ANKFN1: variants seen among roughly 807,000 people sequenced by gnomAD.
ANKFN1 encodes ankyrin repeat and fibronectin type-III domain-containing protein 1.
ANKFN1 carries 74 observed loss-of-function variants against 108.7 expected under a neutral mutation model. That is an observed-to-expected ratio of 0.68 (90% CI 0.56 to 0.83). The LOEUF (loss-of-function observed/expected upper bound fraction) is 0.83, where lower values mean the gene tolerates loss of function less well. Ranked by LOEUF, ANKFN1 falls within the 40% of genes least tolerant of loss-of-function variation. ANKFN1 has a pLI of 0.00. For synonymous variants in ANKFN1, 547 were observed against 516.2 expected, an observed-to-expected ratio of 1.06 and a Z score of -0.81; for missense variants, 1,505 against 1,382.3, an observed-to-expected ratio of 1.09 and a Z score of -1.41.
intron 1 of ANKFN1, among the ~76,000 whole-genome samples, chr17:56,186,721 G>A (rs966060767): frequency 7.9e-5 from 12 of 152,184 alleles, no homozygotes; most frequent in Admixed American, 2.6e-4. Flanking sequence ...GACTAGCTGC[G>A]TGTTGCTTAG....
chr17:56,292,187 G>A (rs893861030), intron 3 of ANKFN1, among the ~76,000 whole-genome samples: 1 of 152,184 alleles, frequency 6.6e-6, no homozygotes, highest in Non-Finnish European at 1.5e-5. Context: ...AGAGGCAGAG[G>A]CTGAGTCAGA....
chr17:56,389,037 A>G (rs2053446104), intron 8 of ANKFN1, among the ~76,000 whole-genome samples: 1 of 152,110 alleles, frequency 6.6e-6, no homozygotes, highest in South Asian at 2.1e-4. Context: ...TAAACATGCA[A>G]CTACCATACA....
intron 4 of ANKFN1, among the ~76,000 whole-genome samples, chr17:56,334,985 C>T (rs940661740): frequency 6.6e-6 from 1 of 152,122 alleles, no homozygotes; most frequent in Admixed American, 6.6e-5. Context: ...AATAGGGAAT[C>T]GTTTCCCCAT....
At chr17:56,396,964 C>A (rs1440512819) in intron 8 of ANKFN1, among the ~76,000 whole-genome samples, 1 of 151,962 alleles carries the variant, frequency 6.6e-6, no homozygotes, top group African/African-American at 2.4e-5. Context: ...TTGCAGAAAG[C>A]TAAATGTAGT....
chr17:56,315,599 G>A (rs913518166), intron 3 of ANKFN1, among the ~76,000 whole-genome samples: 2 of 152,198 alleles, frequency 1.3e-5, no homozygotes, highest in African/African-American at 4.8e-5. Context: ...CGCCTTTGCT[G>A]TGCTGCAAGG....
intron 2 of ANKFN1, among the ~76,000 whole-genome samples, chr17:56,216,974 G>A (rs1403291882): frequency 6.6e-6 from 1 of 152,204 alleles, no homozygotes; most frequent in Non-Finnish European, 1.5e-5. Context: ...AAAAGAAAGA[G>A]AAGATGACAA....
At chr17:56,153,561 A>C in intron 1 of ANKFN1, 31 bp downstream of exon 1, 1 of 1,613,206 alleles carries the variant, frequency 6.2e-7, no homozygotes, top group South Asian at 1.1e-5. Context: ...AATATCGGTA[A>C]TTGGTGTTTG....
At chr17:56,336,157 G>T (rs938937238) in intron 4 of ANKFN1, among the ~76,000 whole-genome samples, 4 of 152,198 alleles carry the variant, frequency 2.6e-5, no homozygotes, top group African/African-American at 9.7e-5. Context: ...GTTCATCAGG[G>T]ATATTGGTCT....
At chr17:56,363,127 G>C (rs1056892460) in intron 6 of ANKFN1, among the ~76,000 whole-genome samples, 1 of 152,100 alleles carries the variant, frequency 6.6e-6, no homozygotes, top group Non-Finnish European at 1.5e-5. Context: ...GGGAGGCTGA[G>C]GCAGGAGAAT....
chr17:56,222,943 A>G (rs1475447112), intron 2 of ANKFN1, among the ~76,000 whole-genome samples: 1 of 152,216 alleles, frequency 6.6e-6, no homozygotes, highest in Admixed American at 6.5e-5. Context: ...GTAATTGCAA[A>G]AAATTACTAA....
At chr17:56,160,387 G>C (rs181526304) in intron 1 of ANKFN1, among the ~76,000 whole-genome samples, 1 of 152,094 alleles carries the variant, frequency 6.6e-6, no homozygotes, top group African/African-American at 2.4e-5. Flanking sequence ...TTTCCTTATG[G>C]CTAACTTTCT....
At chr17:56,466,260 A>G in intron 14 of ANKFN1, 96 bp from the exon 15 acceptor site, 1 of 1,145,102 alleles carries the variant, frequency 8.7e-7, no homozygotes, top group South Asian at 1.4e-5. Context: ...ACAGCTTCTC[A>G]GAAATCAGAT....
Position 56,511,070 on chromosome 17 carries a change from A to C in ANKFN1, c.3242A>C (p.Gln1081Pro). The change falls in exon 21 of 21, where the codon CAG becomes CCG. Residue 1081 changes from glutamine to proline, a missense_variant. By Grantham distance (76) the Gln-to-Pro change is moderately conservative. Transcript: ENST00000682825. The part of the protein sequence containing the change: ...SLPEERNSSL[Q>P]DARPSVRRLY... ...CCTGAGGAGCGGAACAGCAGTCTCC[A>C]GGACGCGAGGCCTTCCGTCCGCCGC... is the stretch of plus-strand genomic sequence containing the variant. The C allele has an allele frequency of 6.5e-7, 1 of 1,535,994 alleles. No individual in the cohort carries two copies. The highest frequency in any genetic ancestry group is 8.7e-7 in the Non-Finnish European group (1 of 1,146,856).
chr17:56,257,511 G>A (rs560006562), intron 3 of ANKFN1, among the ~76,000 whole-genome samples: 5 of 152,284 alleles, frequency 3.3e-5, no homozygotes, highest in South Asian at 2.1e-4. Flanking sequence ...TGATATGGTG[G>A]TGGGAGCATT....
intron 4 of ANKFN1, among the ~76,000 whole-genome samples, chr17:56,095,700 G>A (rs531866532): frequency 3.9e-5 from 6 of 152,292 alleles, no homozygotes; most frequent in African/African-American, 1.2e-4. Context: ...TGCCCTGAGC[G>A]CAAAGCATGT....
chr17:56,227,793 A>G, intron 2 of ANKFN1, 124 bp from the exon 3 acceptor site: 1 of 754,460 alleles, frequency 1.3e-6, no homozygotes, highest in Admixed American at 3.0e-5. Flanking sequence ...ATATATATTC[A>G]TCTGTAGGCT....
intron 6 of ANKFN1, among the ~76,000 whole-genome samples, chr17:56,362,412 A>G (rs2046546184): frequency 6.6e-6 from 1 of 152,230 alleles, no homozygotes; most frequent in Non-Finnish European, 1.5e-5. Flanking sequence ...CCATTGACCA[A>G]TGGAACAGAA....
chr17:56,100,539 G>A (rs544627760), intron 4 of ANKFN1, among the ~76,000 whole-genome samples: 11 of 152,234 alleles, frequency 7.2e-5, no homozygotes, highest in Admixed American at 2.0e-4. Flanking sequence ...ATTTTATGAC[G>A]TATTAATTAA....
chr17:56,453,552 G>T (rs1390810978), intron 11 of ANKFN1, among the ~76,000 whole-genome samples: 1 of 152,086 alleles, frequency 6.6e-6, no homozygotes, highest in Non-Finnish European at 1.5e-5. Context: ...CTGGTCACTT[G>T]TTGCCCAGTG....
Sources: gnomAD v4.1 joint callset for allele counts (sites outside exome capture counted in the v4.1 genomes callset) on GRCh38, gnomAD v4.1.1 for gene constraint, MANE v1.5 for transcripts, NCBI Gene and HGNC (gene_info 2026-07-23, HGNC 2026-07-21) for gene names.